RCAN2: variants seen among roughly 807,000 people sequenced by gnomAD.
RCAN2 encodes the protein calcipressin-2.
A neutral mutation model predicts 23.6 loss-of-function variants in RCAN2; 9 were observed. The ratio of observed to expected loss-of-function variants is 0.38; its 90% confidence interval spans 0.23 to 0.67. The LOEUF (loss-of-function observed/expected upper bound fraction) is 0.67, where lower values mean the gene tolerates loss of function less well. RCAN2 is among the 30% of genes least tolerant of loss of function. RCAN2 has a pLI of 0.51. For synonymous variants in RCAN2, 109 were observed against 115.7 expected (o/e 0.94, Z 0.37); for missense variants, 273 against 302.3 (o/e 0.90, Z 0.72).
intron 2 of RCAN2, among the ~76,000 whole-genome samples, chr6:46,357,842 G>C (rs1415092747): frequency 3.3e-5 from 5 of 152,202 alleles, no homozygotes; most frequent in Admixed American, 3.3e-4. Flanking sequence ...TAAAGAAGCA[G>C]CTAGGGCAAG....
intron 2 of RCAN2, among the ~76,000 whole-genome samples, chr6:46,408,942 T>C (rs1364592231): frequency 6.6e-6 from 1 of 152,212 alleles, no homozygotes; most frequent in African/African-American, 2.4e-5. Context: ...AATAAAATGC[T>C]GGGTCTTGGG....
At chr6:46,489,203 C>T (rs1229336165) in intron 1 of RCAN2, among the ~76,000 whole-genome samples, 1 of 152,188 alleles carries the variant, frequency 6.6e-6, no homozygotes, top group Non-Finnish European at 1.5e-5. Flanking sequence ...CTATTGGGAT[C>T]CAGACCAAAT....
chr6:46,394,381 T>G (rs1766026913), intron 2 of RCAN2, among the ~76,000 whole-genome samples: 1 of 152,092 alleles, frequency 6.6e-6, no homozygotes, highest in South Asian at 2.1e-4. Flanking sequence ...TTTTCATTAC[T>G]GCCTATGTTA....
At chr6:46,470,403 T>C (rs545094828) in intron 1 of RCAN2, among the ~76,000 whole-genome samples, 3 of 152,310 alleles carry the variant, frequency 2.0e-5, no homozygotes, top group East Asian at 3.9e-4. Flanking sequence ...TATTAAGATG[T>C]CAGAGATCAG....
intron 2 of RCAN2, among the ~76,000 whole-genome samples, chr6:46,377,936 T>G (rs1358231922): frequency 1.3e-5 from 2 of 152,192 alleles, no homozygotes; most frequent in Non-Finnish European, 2.9e-5. Flanking sequence ...CTAATAAACT[T>G]GTTGTAGGAT....
intron 2 of RCAN2, among the ~76,000 whole-genome samples, chr6:46,361,353 G>A (rs754047990): frequency 9.2e-5 from 14 of 152,130 alleles, no homozygotes; most frequent in Non-Finnish European, 1.3e-4. Flanking sequence ...TTGACTCCCA[G>A]GCCACACTGG....
chr6:46,263,197 C>G (rs926171595), intron 2 of RCAN2, among the ~76,000 whole-genome samples: 2 of 152,296 alleles, frequency 1.3e-5, no homozygotes, highest in East Asian at 3.9e-4. Flanking sequence ...CACACACTAC[C>G]GTTTGATGAA....
At chr6:46,377,403 G>A (rs901887424) in intron 2 of RCAN2, among the ~76,000 whole-genome samples, 1 of 152,182 alleles carries the variant, frequency 6.6e-6, no homozygotes, top group African/African-American at 2.4e-5. Context: ...TTTCTTACGT[G>A]ACTAAACGGA....
chr6:46,333,678 T>C (rs952540708), intron 2 of RCAN2, among the ~76,000 whole-genome samples: 5 of 152,230 alleles, frequency 3.3e-5, no homozygotes, highest in African/African-American at 1.2e-4. Flanking sequence ...TCAGAATGCA[T>C]TGGACATTTT....
chr6:46,403,918 G>A (rs558433456), intron 2 of RCAN2, among the ~76,000 whole-genome samples: 7 of 152,210 alleles, frequency 4.6e-5, no homozygotes, highest in Admixed American at 3.9e-4. Context: ...GGGGTGGAAA[G>A]GTGTGTAAGA....
chr6:46,364,701 A>G (rs558503616), intron 2 of RCAN2, among the ~76,000 whole-genome samples: 2 of 152,160 alleles, frequency 1.3e-5, no homozygotes, highest in East Asian at 1.9e-4. Flanking sequence ...GTTGGTGCCC[A>G]CCCTGAAAGT....
chr6:46,431,923 C>T (rs747379436), intron 2 of RCAN2, among the ~76,000 whole-genome samples: 5 of 152,176 alleles, frequency 3.3e-5, no homozygotes, highest in East Asian at 1.9e-4. Flanking sequence ...AAACTACATC[C>T]GTATGTTTAT....
intron 2 of RCAN2, among the ~76,000 whole-genome samples, chr6:46,339,188 T>C (rs1310873410): frequency 1.3e-5 from 2 of 152,110 alleles, no homozygotes; most frequent in African/African-American, 2.4e-5. Flanking sequence ...AAGTCACTAT[T>C]CCTTTAAAGA....
At chr6:46,333,636 A>G (rs1764054561) in intron 2 of RCAN2, among the ~76,000 whole-genome samples, 1 of 152,234 alleles carries the variant, frequency 6.6e-6, no homozygotes, top group African/African-American at 2.4e-5. Context: ...CCAGCAATTT[A>G]TGAGAAAGTT....
rs1765570409 is a variant in RCAN2 at position 46,224,191 on chromosome 6, T to C, written c.572-890A>G. 2.0e-5 allele frequency among the ~76,000 whole-genome samples: 3 copies of C among 152,256 alleles called. No homozygotes were observed. In the South Asian group the frequency reaches 6.2e-4, roughly 32 times the overall value. On this transcript the variant is annotated intron_variant, in intron 4 of 4. Transcript: ENST00000371374. ...GGGTCTAAAAGACAAGCGGAAGGACTCCAGGTGGTGGGGTAAGAGGAGGGG... is the reference window on the plus strand; with the variant it reads ...GGGTCTAAAAGACAAGCGGAAGGACCCCAGGTGGTGGGGTAAGAGGAGGGG...
chr6:46,444,049 T>C (rs1190115132), intron 2 of RCAN2, among the ~76,000 whole-genome samples: 5 of 152,350 alleles, frequency 3.3e-5, no homozygotes, highest in East Asian at 3.9e-4. Context: ...TCAGGCCCTA[T>C]GCAAGTCACT....
intron 2 of RCAN2, among the ~76,000 whole-genome samples, chr6:46,349,727 T>G (rs924516339): frequency 2.6e-5 from 4 of 152,168 alleles, no homozygotes; most frequent in South Asian, 4.2e-4. Context: ...TTCTGACCAT[T>G]CTTACCTCTA....
chr6:46,396,913 C>G (rs1461813237), intron 2 of RCAN2, among the ~76,000 whole-genome samples: 1 of 151,978 alleles, frequency 6.6e-6, no homozygotes, highest in African/African-American at 2.4e-5. Context: ...GAGTTCGAGA[C>G]CAGCCTGACC....
chr6:46,341,465 C>CA (rs1755410623), intron 2 of RCAN2, among the ~76,000 whole-genome samples: 1 of 152,170 alleles, frequency 6.6e-6, no homozygotes, highest in Non-Finnish European at 1.5e-5. Context: ...GGGCCAAATT[C>CA]AAAGCTGTCC....
Sources: allele counts gnomAD v4.1 joint callset (sites outside exome capture counted in the v4.1 genomes callset), GRCh38; gene constraint gnomAD v4.1.1; transcripts MANE v1.5; gene names NCBI Gene and HGNC (gene_info 2026-07-23, HGNC 2026-07-21).